The following ASH1L variants were observed in gnomAD, a reference collection of about 807,000 sequenced individuals.
ASH1L encodes ASH1 like histone lysine methyltransferase, also known as histone-lysine N-methyltransferase ASH1L.
A neutral mutation model predicts 269.0 loss-of-function variants in ASH1L; 23 were observed. The ratio of observed to expected loss-of-function variants is 0.09; its 90% CI spans 0.06 to 0.12. The LOEUF is 0.12. Among genes scored for constraint, ASH1L ranks in the 10% least tolerant of loss-of-function variants. The pLI, the probability that ASH1L is intolerant of heterozygous loss-of-function variation, is 1.00. For missense variants in ASH1L, 2,912 were observed against 3,567.8 expected, an observed-to-expected ratio of 0.82 and a Z score of 4.68; for synonymous variants, 1,187 against 1,253.5, an observed-to-expected ratio of 0.95 and a Z score of 1.12.
Position 155,349,709 on chromosome 1 carries a change from C to CTTTTTTTTTTT in ASH1L, c.7367-124_7367-114dup, listed in dbSNP as rs993462774. On this transcript the variant is annotated intron_variant, in intron 17 of 27. Coordinates refer to ENST00000392403, the MANE Select transcript of ASH1L (RefSeq NM_018489.3). ...TTAAAAGTGAGAGAAAAATCCAAGTCTTTTTTTTTTTTTTTTTTTTTTTTT... is the reference window on the plus strand; with the variant it reads ...TTAAAAGTGAGAGAAAAATCCAAGTCTTTTTTTTTTTTTTTTTTTTTTTTTTTTTTTTTTTT... 9 of 299,430 alleles carry CTTTTTTTTTTT rather than the reference C, an allele frequency of 3.0e-5. No individual in the cohort carries two copies. In the African/African-American group the frequency reaches 3.5e-4, roughly 12 times the overall value. The allele number at this position is 299,430 out of a possible 1,614,324, so 18.5% of individuals were successfully genotyped here.
At chr1:155,488,006 C>G (rs968657925) in intron 2 of ASH1L, among the ~76,000 whole-genome samples, 14 of 151,932 alleles carry the variant, frequency 9.2e-5, no homozygotes, top group Non-Finnish European at 1.8e-4. Context: ...TCTGCCTCAG[C>G]CTCCTGAGTA....
At chr1:155,433,310 G>C in intron 5 of ASH1L, 1 of 1,580,720 alleles carries the variant, frequency 6.3e-7, no homozygotes. Context: ...CCCTCCTGGA[G>C]GGCCAGGAAT....
chr1:155,523,127 T>C (rs532123647), intron 1 of ASH1L, among the ~76,000 whole-genome samples: 9 of 152,348 alleles, frequency 5.9e-5, no homozygotes, highest in African/African-American at 1.9e-4. Context: ...GAACATCTTA[T>C]CCCTTAGAAA....
chr1:155,391,249 A>G lies in ASH1L; in HGVS notation c.6103+4210T>C, dbSNP rs115922781. Among the ~76,000 whole-genome samples, 489 of 152,252 alleles carry G rather than the reference A, an allele frequency of 3.2e-3. 2 individuals are homozygous for G. Among genetic ancestry groups the G allele is most frequent in the African/African-American group, 0.011 (467 of 41,562 alleles). ...GTGTGAACCATCACACCTGGCTGAC[A>G]ATTTATATTCATATACTTTCAAGTT... is the stretch of plus-strand genomic sequence containing the variant. On this transcript the variant is annotated intron_variant, in intron 7 of 27. Transcript: ENST00000392403.
intron 5 of ASH1L, among the ~76,000 whole-genome samples, chr1:155,428,784 C>A (rs1006411905): frequency 6.6e-6 from 1 of 152,184 alleles, no homozygotes. Flanking sequence ...TAGTTAATCC[C>A]GTTTCCCATA....
Position 155,521,856 on chromosome 1 carries a change from G to T in ASH1L, c.-99-238C>A, listed in dbSNP as rs537003783. 3.9e-5 allele frequency among the ~76,000 whole-genome samples: 6 copies of T among 152,236 alleles called. 1 individual carries two copies. The highest frequency in any genetic ancestry group is 1.4e-4 in the African/African-American group (6 of 41,560). ...CAAGCCATAGTGGTATGGTGCAAAT[G>T]CAAATTTAAGAATCACCAAGAAGCT... On this transcript the variant is annotated intron_variant, in intron 1 of 27. Transcript: ENST00000392403.
At chr1:155,417,684 C>T (rs1292310703) in intron 5 of ASH1L, among the ~76,000 whole-genome samples, 12 of 152,132 alleles carry the variant, frequency 7.9e-5, no homozygotes, top group Non-Finnish European at 7.4e-5. Flanking sequence ...ACTGGTGGGG[C>T]GCAGTGGCTC....
chr1:155,407,133 G>A (rs1027854282), intron 6 of ASH1L, among the ~76,000 whole-genome samples: 5 of 152,132 alleles, frequency 3.3e-5, no homozygotes, highest in Non-Finnish European at 1.5e-5. Flanking sequence ...TCGGGCAGGA[G>A]AATTGCTTGA....
At chr1:155,531,309 A>G (rs543874189) in intron 1 of ASH1L, among the ~76,000 whole-genome samples, 1 of 152,238 alleles carries the variant, frequency 6.6e-6, no homozygotes, top group East Asian at 1.9e-4. Flanking sequence ...CTTAATATGT[A>G]TAACTGCAAA....
At chr1:155,473,148 A>G (rs959384045) in intron 3 of ASH1L, among the ~76,000 whole-genome samples, 2 of 152,232 alleles carry the variant, frequency 1.3e-5, no homozygotes, top group African/African-American at 2.4e-5. Context: ...GGACAAAACT[A>G]GCAGCTGAAC....
chr1:155,433,394 G>C (rs747116312), intron 5 of ASH1L: 1 of 1,605,218 alleles, frequency 6.2e-7, no homozygotes, highest in Non-Finnish European at 8.5e-7. Flanking sequence ...GTTCTGTGGG[G>C]GGATGGCGTA....
In ASH1L at chr1:155,478,726, A is replaced by T; in HGVS notation, c.4144T>A (p.Tyr1382Asn). Residue 1382 changes from tyrosine to asparagine, a missense_variant, in exon 3 of 28, where the codon TAT (tyrosine) becomes AAT (asparagine). Transcript: ENST00000392403. This position sits in a 1 kb window ranked among gnomAD's most constrained non-coding sequence, Gnocchi z 4.6. ...GGTGAAGGAGAGTAAGGCATACCAT[A>T]AGATGGATAGAATCCAGTACTAGAA... The part of the protein sequence containing the change: ...PLSSTGFYPS[Y>N]GMPYSPSPLT... 1 of 1,614,110 alleles carries T rather than the reference A, an allele frequency of 6.2e-7. No individual in the cohort carries two copies. The highest frequency in any genetic ancestry group is 1.7e-5 in the Admixed American group (1 of 60,020).
At chr1:155,516,261 C>T (rs1269891005) in intron 2 of ASH1L, among the ~76,000 whole-genome samples, 1 of 152,060 alleles carries the variant, frequency 6.6e-6, no homozygotes, top group African/African-American at 2.4e-5. Context: ...CAAAAGAACA[C>T]TATTTTCAGT....
rs763744297 is a variant in ASH1L at position 155,482,294 on chromosome 1, C to T, written c.576G>A (p.Thr192=). 2.0e-5 allele frequency: 32 copies of T among 1,613,962 alleles called. No individual in the cohort carries two copies. The highest frequency in any genetic ancestry group is 1.6e-4 in the Middle Eastern group (1 of 6,084). The change falls in exon 3 of 28, where the codon ACG becomes ACA. Residue 192 remains threonine, a synonymous_variant. Transcript: ENST00000392403. ...HSEMADYINA[T]PSTLLGSRDP... Reference sequence around the variant, plus strand: ...CCCGGCTACCAAGAAGAGTAGATGGCGTTGCATTAATATAATCTGCCATTT... The same window carrying T: ...CCCGGCTACCAAGAAGAGTAGATGGTGTTGCATTAATATAATCTGCCATTT...
At chr1:155,360,443 G>GA in intron 12 of ASH1L, 34 bp from the exon 13 acceptor site, 2 of 1,431,204 alleles carry the variant, frequency 1.4e-6, no homozygotes, top group Admixed American at 1.8e-5. Flanking sequence ...ATAAAGGCTG[G>GA]AAATTTTTTT....
intron 6 of ASH1L, among the ~76,000 whole-genome samples, chr1:155,415,014 G>A (rs1660091062): frequency 6.6e-6 from 1 of 152,056 alleles, no homozygotes; most frequent in South Asian, 2.1e-4. Flanking sequence ...GAAAAATGAA[G>A]TCACCAATAT....
intron 5 of ASH1L, chr1:155,433,207 T>C: frequency 6.5e-7 from 1 of 1,545,906 alleles, no homozygotes. Context: ...TTCGGATGCC[T>C]GCCTTCTTGC....
At position 155,562,186 on chromosome 1, in the gene ASH1L, TGA is replaced by T. The variant is rs767193630; in HGVS notation, c.-135_-134del. On this transcript the variant is annotated 5_prime_UTR_variant, in exon 1 of 28. Coordinates refer to ENST00000392403, the MANE Select transcript of ASH1L (RefSeq NM_018489.3). ...AGGCCGAGGCCGAGGCCGAGAGCGATGAGAGTGCAGGGAAGTGGGGAAGAGGG... is the reference window on the plus strand; with the variant it reads ...AGGCCGAGGCCGAGGCCGAGAGCGATGAGTGCAGGGAAGTGGGGAAGAGGG... 5 of 1,599,964 alleles carry T rather than the reference TGA, an allele frequency of 3.1e-6. No homozygotes were observed. The Middle Eastern group carries it at 6.6e-4, about 212-fold the overall frequency.
At chr1:155,385,088 C>G (rs1449154577) in intron 7 of ASH1L, among the ~76,000 whole-genome samples, 1 of 149,490 alleles carries the variant, frequency 6.7e-6, no homozygotes, top group Non-Finnish European at 1.5e-5. Flanking sequence ...GGTTCAATTT[C>G]TCTCATAAAA....
Sources: allele counts gnomAD v4.1 joint callset (sites outside exome capture counted in the v4.1 genomes callset), GRCh38; gene constraint gnomAD v4.1.1; non-coding constraint Gnocchi (gnomAD v3.1); transcripts MANE v1.5; gene names NCBI Gene and HGNC (gene_info 2026-07-23, HGNC 2026-07-21).